FILIP1: variants seen among roughly 807,000 people sequenced by gnomAD.
The protein encoded by FILIP1 is filamin-A-interacting protein 1.
Under a neutral mutation model 102.1 loss-of-function variants are expected in FILIP1, and 61 were observed. That is an observed-to-expected ratio of 0.60 (90% CI 0.49 to 0.74). The LOEUF (loss-of-function observed/expected upper bound fraction) is 0.74. FILIP1 is among the 30% of genes least tolerant of loss of function. FILIP1 has a pLI of 0.00. For synonymous variants in FILIP1, 491 were observed against 526.9 expected (o/e 0.93, Z 0.93); for missense variants, 1,314 against 1,441.2 (o/e 0.91, Z 1.43).
intron 5 of FILIP1, among the ~76,000 whole-genome samples, chr6:75,311,349 CT>C (rs35389881): frequency 0.61 from 85,214 of 139,352 alleles, 25,912 homozygotes; most frequent in Middle Eastern, 0.73. Context: ...CACCCAGCTA[CT>C]TTTTTTTTTT....
At chr6:75,409,319 A>G (rs1562560567) in intron 2 of FILIP1, among the ~76,000 whole-genome samples, 2 of 152,178 alleles carry the variant, frequency 1.3e-5, no homozygotes, top group East Asian at 1.9e-4. Context: ...GAGGTGAGGT[A>G]GATAAGACAC....
At chr6:75,384,053 T>A (rs1775996437) in intron 2 of FILIP1, among the ~76,000 whole-genome samples, 1 of 152,204 alleles carries the variant, frequency 6.6e-6, no homozygotes, top group African/African-American at 2.4e-5. Flanking sequence ...AACTGTTATG[T>A]CTTGTATTTC....
At chr6:75,340,612 A>G (rs912230956) in intron 4 of FILIP1, among the ~76,000 whole-genome samples, 1 of 152,174 alleles carries the variant, frequency 6.6e-6, no homozygotes, top group Admixed American at 6.5e-5. Flanking sequence ...TGTAGCTTTA[A>G]AAAGAGTTTT....
Position 75,353,667 on chromosome 6 carries a change from C to T in FILIP1, c.501G>A (p.Glu167=). 2 of 1,614,154 alleles carry T rather than the reference C, an allele frequency of 1.2e-6. No individual in the cohort carries two copies. Among genetic ancestry groups the T allele is most frequent in the Non-Finnish European group, 8.5e-7 (1 of 1,180,032 alleles). ...GACACTTCTCGGCCAGCAACAGCTG[C>T]TCTAGCATGCGCCGGTAGGTTTCTT... ...KQKETYRRML[E]QLLLAEKCHR... Residue 167 remains glutamate, a synonymous_variant, in exon 4 of 6, where the codon GAG becomes GAA. Coordinates refer to ENST00000237172, the MANE Select transcript of FILIP1 (RefSeq NM_015687.5).
Position 75,379,359 on chromosome 6 carries a change from G to A in FILIP1, c.277-16442C>T, listed in dbSNP as rs145701760. 9.9e-5 allele frequency among the ~76,000 whole-genome samples: 15 copies of A among 152,284 alleles called. No individual in the cohort carries two copies. In the East Asian group the frequency reaches 2.5e-3, roughly 25 times the overall value. On this transcript the variant is annotated intron_variant, in intron 2 of 5. Transcript: ENST00000237172. ...ATGCCTTTTGCATATAGAAATAGGCGACTGTTTCGTTTGCATTACTGCTTT... is the reference window on the plus strand; with the variant it reads ...ATGCCTTTTGCATATAGAAATAGGCAACTGTTTCGTTTGCATTACTGCTTT...
intron 2 of FILIP1, among the ~76,000 whole-genome samples, chr6:75,386,802 T>C (rs1052514107): frequency 6.6e-6 from 1 of 152,106 alleles, no homozygotes; most frequent in African/African-American, 2.4e-5. Context: ...AATTCATCTC[T>C]CTCACCCTCC....
intron 2 of FILIP1, among the ~76,000 whole-genome samples, chr6:75,406,168 G>A (rs193041184): frequency 2.6e-5 from 4 of 152,108 alleles, no homozygotes; most frequent in East Asian, 1.9e-4. Flanking sequence ...CTTCTACATC[G>A]CTCTACTCCC....
chr6:75,337,340 A>G (rs1774276190), intron 4 of FILIP1, among the ~76,000 whole-genome samples: 1 of 152,200 alleles, frequency 6.6e-6, no homozygotes, highest in South Asian at 2.1e-4. Flanking sequence ...GCCATGAAGC[A>G]TCATGACCTG....
chr6:75,309,180 C>A (rs1188241601), intron 5 of FILIP1, among the ~76,000 whole-genome samples: 2 of 152,158 alleles, frequency 1.3e-5, no homozygotes, highest in Non-Finnish European at 2.9e-5. Context: ...TCCAGTTTCA[C>A]AGAGGAAATA....
intron 2 of FILIP1, among the ~76,000 whole-genome samples, chr6:75,372,671 A>AAGAAAGAAAGAG: frequency 1.5e-5 from 1 of 65,498 alleles, no homozygotes; most frequent in East Asian, 3.1e-4. Context: ...GAAAGAAAGA[A>AAGAAAGAAAGAG]AGAAAGAAAG....
intron 3 of FILIP1, among the ~76,000 whole-genome samples, chr6:75,355,307 CA>C (rs1774953034): frequency 6.8e-6 from 1 of 148,058 alleles, no homozygotes; most frequent in South Asian, 2.1e-4. Flanking sequence ...AAACCAAAAC[CA>C]AAACAAAACA....
intron 4 of FILIP1, among the ~76,000 whole-genome samples, chr6:75,318,568 AT>A (rs968304279): frequency 6.6e-6 from 1 of 151,868 alleles, no homozygotes; most frequent in African/African-American, 2.4e-5. Context: ...ATCAACATAT[AT>A]TTTTTTCTAA....
At chr6:75,404,272 C>A (rs1776758675) in intron 2 of FILIP1, among the ~76,000 whole-genome samples, 1 of 152,142 alleles carries the variant, frequency 6.6e-6, no homozygotes, top group Admixed American at 6.6e-5. Flanking sequence ...CACTGCCGTA[C>A]CAGAAACCCT....
At position 75,308,607 on chromosome 6, in the gene FILIP1, T is replaced by C; in HGVS notation, c.*84A>G. 9.5e-6 allele frequency: 15 copies of C among 1,571,776 alleles called. No homozygotes were observed. The highest frequency in any genetic ancestry group is 2.3e-5 in the East Asian group (1 of 44,266). ...AATATTTAAAACTTAAATTAGTACA[T>C]GTAAAGAACTGGCACAAACAGATGA... On this transcript the variant is annotated 3_prime_UTR_variant, in exon 6 of 6. Transcript: ENST00000237172.
chr6:75,331,270 T>C (rs910679753), intron 4 of FILIP1, among the ~76,000 whole-genome samples: 13 of 152,322 alleles, frequency 8.5e-5, no homozygotes, highest in African/African-American at 3.1e-4. Context: ...TTTGCTCATA[T>C]GAGCCACAGA....
At chr6:75,300,914 T>C (rs924173238) in intron 6 of FILIP1, among the ~76,000 whole-genome samples, 1 of 152,228 alleles carries the variant, frequency 6.6e-6, no homozygotes, top group Admixed American at 6.5e-5. Context: ...ATAAATTCTT[T>C]TTTGGCAAGC....
At chr6:75,487,118 T>C (rs898840986) in intron 1 of FILIP1, among the ~76,000 whole-genome samples, 3 of 152,158 alleles carry the variant, frequency 2.0e-5, no homozygotes, top group African/African-American at 7.2e-5. Flanking sequence ...GTAAGGCCAC[T>C]CCCTGATCCA....
In FILIP1 at chr6:75,325,548, A is replaced by G. The variant is rs1385591248; in HGVS notation, c.630-10346T>C. ...TAAGGAATTTAAATCAGCAAGAAAAAACAAATAATCCCATCAAAAAGTGGG... is the reference window on the plus strand; with the variant it reads ...TAAGGAATTTAAATCAGCAAGAAAAGACAAATAATCCCATCAAAAAGTGGG... On this transcript the variant is annotated intron_variant, in intron 4 of 5. Transcript: ENST00000237172. Among the ~76,000 whole-genome samples the G allele has an allele frequency of 5.9e-5, 9 of 152,318 alleles. No homozygotes were observed. In the South Asian group the frequency reaches 1.7e-3, roughly 28 times the overall value.
chr6:75,478,624 GTGGTGTTC>G (rs796773750), intron 1 of FILIP1, among the ~76,000 whole-genome samples: 6 of 152,270 alleles, frequency 3.9e-5, no homozygotes, highest in African/African-American at 1.4e-4. Flanking sequence ...CGCAAGACAG[GTGGTGTTC>G]TGGATTCTAG....
Sources: gnomAD v4.1 joint callset for allele counts (sites outside exome capture counted in the v4.1 genomes callset) on GRCh38, gnomAD v4.1.1 for gene constraint, MANE v1.5 for transcripts, NCBI Gene and HGNC (gene_info 2026-07-23, HGNC 2026-07-21) for gene names.